Variants in CGNL1 observed in about 807,000 individuals in gnomAD.
CGNL1 encodes cingulin like 1.
A neutral mutation model predicts 141.2 loss-of-function variants in CGNL1; 132 were observed. The observed-to-expected ratio is 0.93, with a 90% CI of 0.81 to 1.08. The LOEUF is 1.08. CGNL1 is among the 50% of genes least tolerant of loss of function. The pLI, the probability that CGNL1 is intolerant of heterozygous loss-of-function variation, is 0.00. For missense variants in CGNL1, 1,870 were observed against 1,588.6 expected, an observed-to-expected ratio of 1.18 and a Z score of -3.01; for synonymous variants, 690 against 622.1, an observed-to-expected ratio of 1.11 and a Z score of -1.63.
At chr15:57,464,337 G>T (rs2063482915) in intron 8 of CGNL1, among the ~76,000 whole-genome samples, 1 of 152,064 alleles carries the variant, frequency 6.6e-6, no homozygotes, top group Non-Finnish European at 1.5e-5. Context: ...GGATGTTTCT[G>T]TGAGATCTCC....
rs1440803372 is a variant in CGNL1, at chr15:57,519,178, C to T, written c.2715+681C>T. 8.5e-5 allele frequency among the ~76,000 whole-genome samples: 13 copies of T among 152,280 alleles called. 1 individual carries two copies. In the South Asian group the frequency reaches 2.1e-3, roughly 24 times the overall value. ...CTGATTGACTTTGCACAGTGACCTC[C>T]GGGTGATGCAGGTGTGTCCTTCTCC... On this transcript the variant is annotated intron_variant, in intron 10 of 18. Transcript: ENST00000281282.
At chr15:57,483,961 T>C (rs2063757705) in intron 8 of CGNL1, among the ~76,000 whole-genome samples, 1 of 152,224 alleles carries the variant, frequency 6.6e-6, no homozygotes, top group African/African-American at 2.4e-5. Context: ...TCCTACTGTA[T>C]AATTCTTTTA....
At chr15:57,528,986 T>C in intron 13 of CGNL1, 171 bp downstream of exon 13, 1 of 625,054 alleles carries the variant, frequency 1.6e-6, no homozygotes, top group Non-Finnish European at 2.8e-6. Context: ...GGGCCAGTCA[T>C]TTATAGACTC....
intron 1 of CGNL1, among the ~76,000 whole-genome samples, chr15:57,429,645 C>T (rs1321679098): frequency 6.6e-6 from 1 of 152,248 alleles, no homozygotes; most frequent in African/African-American, 2.4e-5. Flanking sequence ...TCTTAGCCCT[C>T]TGGCTTCTTC....
intron 7 of CGNL1, among the ~76,000 whole-genome samples, chr15:57,454,873 T>C (rs895777386): frequency 6.6e-5 from 10 of 151,702 alleles, no homozygotes; most frequent in African/African-American, 2.4e-4. Context: ...ACTGAAATAA[T>C]ATTAAAACAA....
chr15:57,407,484 G>T (rs374060624), intron 1 of CGNL1, among the ~76,000 whole-genome samples: 1 of 152,056 alleles, frequency 6.6e-6, no homozygotes, highest in African/African-American at 2.4e-5. Context: ...ACCAGCCTGG[G>T]CAACATAGTG....
At chr15:57,430,535 T>A (rs1258406774) in intron 1 of CGNL1, among the ~76,000 whole-genome samples, 1 of 152,040 alleles carries the variant, frequency 6.6e-6, no homozygotes, top group Non-Finnish European at 1.5e-5. Flanking sequence ...ATGGACACCG[T>A]AAATTAAGTG....
chr15:57,451,459 C>T (rs754354947), intron 4 of CGNL1, 41 bp from the exon 5 acceptor site: 9 of 1,394,472 alleles, frequency 6.5e-6, no homozygotes, highest in Non-Finnish European at 9.1e-6. Context: ...AATAAAGCAC[C>T]CTGAACATTT....
chr15:57,392,810 T>C (rs77732728), intron 1 of CGNL1, among the ~76,000 whole-genome samples: 6,598 of 152,280 alleles, frequency 0.043, 225 homozygotes, highest in Admixed American at 0.1. Context: ...TAAAGTCTAC[T>C]AAGTGTAGAA....
intron 14 of CGNL1, among the ~76,000 whole-genome samples, chr15:57,532,877 C>G (rs1025390751): frequency 6.6e-5 from 10 of 152,196 alleles, no homozygotes; most frequent in Admixed American, 2.0e-4. Context: ...GAAACTTCCA[C>G]TTTCTGCCTT....
chr15:57,481,848 C>A (rs937516615), intron 8 of CGNL1, among the ~76,000 whole-genome samples: 7 of 152,140 alleles, frequency 4.6e-5, no homozygotes, highest in Admixed American at 1.3e-4. Flanking sequence ...AACTACTCTC[C>A]AGAATGGCTG....
intron 14 of CGNL1, among the ~76,000 whole-genome samples, chr15:57,532,445 G>A (rs1337682061): frequency 1.3e-5 from 2 of 152,130 alleles, no homozygotes; most frequent in African/African-American, 4.8e-5. Flanking sequence ...AAGCCCCTCT[G>A]AACCTTCACT....
chr15:57,448,692 T>C (rs1432064184), intron 4 of CGNL1, among the ~76,000 whole-genome samples: 3 of 152,188 alleles, frequency 2.0e-5, no homozygotes, highest in African/African-American at 7.2e-5. Flanking sequence ...ATTGTTTCTA[T>C]TTTAAAAATA....
Position 57,438,157 on chromosome 15 carries a change from C to G in CGNL1, c.158C>G (p.Pro53Arg). 6.2e-7 allele frequency: 1 copy of G among 1,614,146 alleles called. No individual in the cohort carries two copies. The highest frequency in any genetic ancestry group is 2.2e-5 in the East Asian group (1 of 44,876). Residue 53 changes from proline (P) to arginine (R), a missense_variant, in exon 2 of 19, where the codon CCC becomes CGC. Coordinates refer to ENST00000281282, the MANE Select transcript of CGNL1 (RefSeq NM_032866.5). ...SIRVQGIDGH[P>R]YIVLNNTERC... is the part of the protein sequence containing the mutation. ...CGGGTCCAGGGAATTGATGGTCACC[C>G]CTATATTGTCCTGAATAACACAGAA...
chr15:57,415,174 C>T (rs1338195887), intron 1 of CGNL1, among the ~76,000 whole-genome samples: 1 of 152,210 alleles, frequency 6.6e-6, no homozygotes, highest in Admixed American at 6.5e-5. Context: ...GAGGCTGACT[C>T]TTCCATCTGC....
At chr15:57,432,264 T>C (rs1156247104) in intron 1 of CGNL1, among the ~76,000 whole-genome samples, 1 of 152,200 alleles carries the variant, frequency 6.6e-6, no homozygotes, top group Non-Finnish European at 1.5e-5. Context: ...TGAATATGCA[T>C]GCAGGTCCTG....
intron 8 of CGNL1, among the ~76,000 whole-genome samples, chr15:57,487,034 A>G (rs1464065357): frequency 1.3e-5 from 2 of 152,190 alleles, no homozygotes; most frequent in African/African-American, 4.8e-5. Context: ...CAGTTCAACT[A>G]TTTCCTGATG....
intron 1 of CGNL1, among the ~76,000 whole-genome samples, chr15:57,400,604 C>A (rs928513402): frequency 6.6e-6 from 1 of 152,028 alleles, no homozygotes; most frequent in African/African-American, 2.4e-5. Context: ...CATGTTTGTG[C>A]GGGCATGGTG....
At chr15:57,499,596 A>G (rs1356790257) in intron 8 of CGNL1, among the ~76,000 whole-genome samples, 1 of 152,130 alleles carries the variant, frequency 6.6e-6, no homozygotes, top group East Asian at 1.9e-4. Context: ...GTTAATGTAA[A>G]TTGTGATTCT....
Sources: allele counts gnomAD v4.1 joint callset (sites outside exome capture counted in the v4.1 genomes callset), GRCh38; gene constraint gnomAD v4.1.1; transcripts MANE v1.5; gene names NCBI Gene and HGNC (gene_info 2026-07-23, HGNC 2026-07-21).